IL3RA: variants seen among roughly 807,000 people sequenced by gnomAD.
The protein encoded by IL3RA is interleukin-3 receptor subunit alpha.
In IL3RA, 73 loss-of-function variants were observed where a neutral mutation model predicts 52.3. The observed-to-expected ratio is 1.40, with a 90% CI of 1.16 to 1.70. The LOEUF is 1.70. Among genes scored for constraint, IL3RA ranks in the 40% most tolerant of loss-of-function variants. The probability of loss-of-function intolerance (pLI) is 0.00; values close to 1 mark genes in which losing one functional copy is unlikely to be tolerated. For synonymous variants in IL3RA, 260 were observed against 194.0 expected (o/e 1.34, Z -2.83); for missense variants, 664 against 504.4 (o/e 1.32, Z -3.03).
rs2089225128 is a variant in IL3RA at position 1,382,391 on chromosome X, G to T, written c.1063G>T (p.Val355Leu). 1 of 1,613,786 alleles carries T rather than the reference G, an allele frequency of 6.2e-7. No individual in the cohort carries two copies. The highest frequency in any genetic ancestry group is 8.5e-7 in the Non-Finnish European group (1 of 1,179,770). Residue 355 changes from valine to leucine, a missense_variant and splice_region_variant, in exon 12 of 12, where the codon GTG (valine) becomes TTG (leucine). Physicochemically the swap from Val to Leu is conservative, Grantham distance 32. Transcript: ENST00000331035. ...IGDSFQNDKL[V>L]VWEAGKAGLE... The stretch of plus-strand genomic sequence containing the variant: ...ACCCTGCCTCCTCTCGTCTCTGCAG[G>T]TGGTCTGGGAGGCGGGCAAAGCCGG...
chrX:1,360,709 A>G (rs867810251), intron 8 of IL3RA, among the ~76,000 whole-genome samples: 109 of 147,490 alleles, frequency 7.4e-4, no homozygotes, highest in African/African-American at 1.9e-3. Context: ...TTGTATTTTT[A>G]GTAGAGACAG....
chrX:1,368,215 C>T (rs1182594187), intron 9 of IL3RA, among the ~76,000 whole-genome samples: 1 of 151,566 alleles, frequency 6.6e-6, no homozygotes, highest in African/African-American at 2.4e-5. Flanking sequence ...GCCGAGATCG[C>T]GCCACTGTGC....
Position 1,357,730 on chromosome X carries a change from T to TA in IL3RA, c.733-1125dup, listed in dbSNP as rs1261747213. Among the ~76,000 whole-genome samples, 62 of 151,816 alleles carry TA rather than the reference T, an allele frequency of 4.1e-4. 1 individual carries two copies. Among genetic ancestry groups the TA allele is most frequent in the Admixed American group, 2.4e-3 (37 of 15,204 alleles). On this transcript the variant is annotated intron_variant, in intron 7 of 11. Coordinates refer to ENST00000331035, the MANE Select transcript of IL3RA (RefSeq NM_002183.4). ...AATTTTTCTGTAAGTCTAAATCTGC[T>TA]AAAAAACGTTAGGTCTATTAATTTC...
chrX:1,353,949 C>T (rs1482168754), intron 6 of IL3RA, among the ~76,000 whole-genome samples: 1 of 99,414 alleles, frequency 1.0e-5, no homozygotes, highest in Non-Finnish European at 2.0e-5. Flanking sequence ...TGGGACCCCC[C>T]CCCCCATCAT....
chrX:1,360,040 TC>T (rs2087085582), intron 8 of IL3RA, among the ~76,000 whole-genome samples: 1 of 149,784 alleles, frequency 6.7e-6, no homozygotes, highest in Admixed American at 6.7e-5. Context: ...CATCTCTCTC[TC>T]TCTGTCTGTC....
chrX:1,356,358 A>T, intron 7 of IL3RA, 22 bp downstream of exon 7: 1 of 1,012,500 alleles, frequency 9.9e-7, no homozygotes, highest in South Asian at 1.7e-5. Context: ...CCCCGCCCCC[A>T]GCCCCCCCAC....
chrX:1,349,204 CAG>C (rs2085964514), intron 4 of IL3RA, among the ~76,000 whole-genome samples: 1 of 142,756 alleles, frequency 7.0e-6, no homozygotes, highest in Non-Finnish European at 1.5e-5. Flanking sequence ...TTTTTTTAGA[CAG>C]AGTCTCACTC....
chrX:1,349,221 C>G (rs1485529167), intron 4 of IL3RA, among the ~76,000 whole-genome samples: 4 of 151,066 alleles, frequency 2.6e-5, no homozygotes, highest in Admixed American at 1.3e-4. Flanking sequence ...TCACTCTGTC[C>G]ACCAGGCTGG....
intron 6 of IL3RA, among the ~76,000 whole-genome samples, chrX:1,355,449 CCAGGAGGG>C (rs2086628853): frequency 1.7e-5 from 1 of 59,572 alleles, no homozygotes; most frequent in African/African-American, 6.8e-5. Context: ...GGGAGAAAGA[CCAGGAGGG>C]TAGGAGGAGG....
chrX:1,340,566 A>G (rs2085450874), intron 1 of IL3RA, among the ~76,000 whole-genome samples: 1 of 149,934 alleles, frequency 6.7e-6, no homozygotes, highest in South Asian at 2.1e-4. Flanking sequence ...GCATGCACAC[A>G]TACAGACTCA....
chrX:1,359,886 T>G (rs1336881474), intron 8 of IL3RA, among the ~76,000 whole-genome samples: 1 of 147,108 alleles, frequency 6.8e-6, no homozygotes, highest in Admixed American at 6.8e-5. Context: ...TGTAACCTTC[T>G]CCATTTCTCC....
chrX:1,346,861 A>C (rs187315517), intron 3 of IL3RA, among the ~76,000 whole-genome samples: 2 of 151,124 alleles, frequency 1.3e-5, no homozygotes, highest in African/African-American at 4.9e-5. Flanking sequence ...GTTCAATACA[A>C]TTCAAATCAC....
In IL3RA at chrX:1,344,665, C is replaced by G. The variant is rs1294334421; in HGVS notation, c.65-651C>G. Among the ~76,000 whole-genome samples, 7 of 150,822 alleles carry G rather than the reference C, an allele frequency of 4.6e-5. 1 individual carries two copies. The highest frequency in any genetic ancestry group is 1.7e-4 in the African/African-American group (7 of 41,026). On this transcript the variant is annotated intron_variant, in intron 2 of 11. Coordinates refer to ENST00000331035, the MANE Select transcript of IL3RA (RefSeq NM_002183.4). Reference sequence around the variant, plus strand: ...GTGGGCTCCTGTAATCCTAGCTACTCGGGAGGCTGAGGCAGGAGAATCGCT... The same window carrying G: ...GTGGGCTCCTGTAATCCTAGCTACTGGGGAGGCTGAGGCAGGAGAATCGCT...
chrX:1,379,006 C>A lies in IL3RA; in HGVS notation c.980+242C>A, dbSNP rs779293381. On this transcript the variant is annotated intron_variant, in intron 10 of 11. Transcript: ENST00000331035. ...TACAGGCACCCAGCAACACACCCAG[C>A]TAATTTTTGTATTTTTAGTAGAGAC... Among the ~76,000 whole-genome samples the A allele has an allele frequency of 2.0e-4, 30 of 151,984 alleles. No homozygotes were observed. The South Asian group carries it at 6.2e-3, about 32-fold the overall frequency.
intron 9 of IL3RA, among the ~76,000 whole-genome samples, chrX:1,376,655 T>A (rs1476661635): frequency 2.0e-5 from 3 of 148,530 alleles, no homozygotes; most frequent in South Asian, 4.3e-4. Flanking sequence ...GAAGACGGCG[T>A]CTCCAAGCCC....
intron 9 of IL3RA, 33 bp downstream of exon 9, chrX:1,365,285 C>T: frequency 2.5e-6 from 3 of 1,184,530 alleles, no homozygotes; most frequent in African/African-American, 2.0e-5. Context: ...GCGGGGTGAG[C>T]GGGGTGAGCG....
chrX:1,367,939 A>G (rs748421229), intron 9 of IL3RA, among the ~76,000 whole-genome samples: 2 of 152,118 alleles, frequency 1.3e-5, no homozygotes, highest in Admixed American at 6.5e-5. Context: ...GTGAACTCAC[A>G]GCTTGCTCTT....
chrX:1,337,399 C>T (rs769514537), intron 1 of IL3RA, among the ~76,000 whole-genome samples: 30 of 152,288 alleles, frequency 2.0e-4, no homozygotes, highest in African/African-American at 7.0e-4. Flanking sequence ...TAGTGTTTCT[C>T]AGTGGTTTTC....
chrX:1,344,902 C>T (rs1484509233), intron 2 of IL3RA, among the ~76,000 whole-genome samples: 3 of 149,756 alleles, frequency 2.0e-5, no homozygotes, highest in Non-Finnish European at 3.0e-5. Context: ...GTGGCTCATG[C>T]CTGTAATCCC....
Sources: gnomAD v4.1 joint callset for allele counts (sites outside exome capture counted in the v4.1 genomes callset) on GRCh38, gnomAD v4.1.1 for gene constraint, MANE v1.5 for transcripts, NCBI Gene and HGNC (gene_info 2026-07-23, HGNC 2026-07-21) for gene names.